The following RAB3IL1 variants were observed in gnomAD, a reference collection of about 807,000 sequenced individuals.
The protein encoded by RAB3IL1 is RAB3A interacting protein like 1, also known as guanine nucleotide exchange factor for Rab-3A.
Under a neutral mutation model 49.2 loss-of-function variants are expected in RAB3IL1, and 37 were observed. That is an observed-to-expected ratio of 0.75 (90% CI 0.58 to 0.99). The LOEUF (loss-of-function observed/expected upper bound fraction) is 0.99, where lower values mean the gene tolerates loss of function less well. RAB3IL1 is among the 50% of genes least tolerant of loss of function. The pLI is 0.00. For missense variants in RAB3IL1, 484 were observed against 513.0 expected (o/e 0.94, Z 0.55); for synonymous variants, 193 against 213.9 (o/e 0.90, Z 0.85).
rs979598227 is a variant in RAB3IL1 at position 61,904,581 on chromosome 11, T to C, written c.864A>G (p.Thr288=). 6.2e-7 allele frequency: 1 copy of C among 1,613,104 alleles called. No individual in the cohort carries two copies. Among genetic ancestry groups the C allele is most frequent in the South Asian group, 1.1e-5 (1 of 90,780 alleles). The change falls in exon 7 of 10, where the codon ACA becomes ACG. Residue 288 remains threonine (T), a synonymous_variant. Transcript: ENST00000394836. The stretch of plus-strand genomic sequence containing the variant: ...TACAGTCAACCTCGGCCACCTTCAC[T>C]GTGGGCAGCGTCTGCGAAGCCACCG... ...IEPVASQTLP[T]VKVAEVDCSS...
chr11:61,910,020 A>AAAAC (rs367986156), intron 1 of RAB3IL1, among the ~76,000 whole-genome samples: 1 of 152,198 alleles, frequency 6.6e-6, no homozygotes, highest in Non-Finnish European at 1.5e-5. Context: ...ACTCTGTCTC[A>AAAAC]AAACAAACAA....
intron 8 of RAB3IL1, among the ~76,000 whole-genome samples, chr11:61,900,296 G>A (rs951491342): frequency 1.3e-5 from 2 of 152,226 alleles, no homozygotes; most frequent in Admixed American, 1.3e-4. Context: ...CTGCCTCTTC[G>A]GAACCCAGCC....
chr11:61,928,684 C>T, the RAB3IL1 span, among the ~76,000 whole-genome samples: 2 of 152,208 alleles, frequency 1.3e-5, no homozygotes, highest in Non-Finnish European at 2.9e-5. Flanking sequence ...GAGCTAGGAC[C>T]CTCAAAGAGG....
At chr11:61,916,031 CA>C (rs35371411) in intron 1 of RAB3IL1, among the ~76,000 whole-genome samples, 6,850 of 88,862 alleles carry the variant, frequency 0.077, 557 homozygotes, top group African/African-American at 0.23. Context: ...CACTCTGTCT[CA>C]AAAAAAAAAA....
At position 61,906,481 on chromosome 11, in the gene RAB3IL1, G is replaced by C. The variant is rs1348719251; in HGVS notation, c.642C>G (p.Asp214Glu). 1 of 1,544,534 alleles carries C rather than the reference G, an allele frequency of 6.5e-7. No individual in the cohort carries two copies. Among genetic ancestry groups the C allele is most frequent in the Non-Finnish European group, 8.7e-7 (1 of 1,147,040 alleles). ...CCACCCTCACCTCCTTGCCCTCTCT[G>C]TCTGGGGTGAGGGTGTGTCCCGCAG... ...CPAAGHTLTP[D>E]REGKEVDTIL... is the part of the protein sequence containing the mutation. Residue 214 changes from aspartate (D) to glutamate (E), a missense_variant, in exon 5 of 10, where the codon GAC (aspartate) becomes GAG (glutamate). Coordinates refer to ENST00000394836, the MANE Select transcript of RAB3IL1 (RefSeq NM_013401.4). The surrounding 1 kb of genome is among the most constrained non-coding windows in gnomAD (Gnocchi z 4.6).
At chr11:61,934,540 G>A in the RAB3IL1 span, among the ~76,000 whole-genome samples, 3 of 140,894 alleles carry the variant, frequency 2.1e-5, no homozygotes, top group African/African-American at 7.9e-5. Context: ...AAATGGTATA[G>A]TAGAAAACTT....
At chr11:61,900,143 C>G (rs922732988) in intron 8 of RAB3IL1, among the ~76,000 whole-genome samples, 1 of 152,250 alleles carries the variant, frequency 6.6e-6, no homozygotes, top group Non-Finnish European at 1.5e-5. Context: ...GGACAGTCCC[C>G]TTGCCTCAGG....
At chr11:61,902,241 C>T (rs1327709973) in intron 8 of RAB3IL1, among the ~76,000 whole-genome samples, 5 of 152,220 alleles carry the variant, frequency 3.3e-5, no homozygotes, top group African/African-American at 1.2e-4. Flanking sequence ...TAATGTCTGC[C>T]TGGGAGGCAG....
At chr11:61,917,678 G>T, upstream of RAB3IL1, 1 of 609,516 alleles carries the variant, frequency 1.6e-6, no homozygotes, top group Non-Finnish European at 2.1e-6. Flanking sequence ...GGCCCGCCGC[G>T]CCGGGACAGG....
At chr11:61,919,797 ACAGT>A (rs1436454883), upstream of RAB3IL1, among the ~76,000 whole-genome samples, 1 of 152,170 alleles carries the variant, frequency 6.6e-6, no homozygotes, top group Non-Finnish European at 1.5e-5. Context: ...GGAGCAGGAG[ACAGT>A]CAGCCTGGAC....
Position 61,917,497 on chromosome 11 carries a change from G to T in RAB3IL1, c.-130C>A. On this transcript the variant is annotated 5_prime_UTR_variant, in exon 1 of 10. Coordinates refer to ENST00000394836, the MANE Select transcript of RAB3IL1 (RefSeq NM_013401.4). ...CCGCCTGTCAGCCCTGCCCGCGGCC[G>T]GTCAGTAGGTCTCAGACGCCTGGGC... 12 of 1,137,768 alleles carry T rather than the reference G, an allele frequency of 1.1e-5. No homozygotes were observed. The highest frequency in any genetic ancestry group is 1.3e-5 in the Non-Finnish European group (12 of 929,214). 70.5% of individuals were successfully genotyped at this position (1,137,768 alleles called of 1,614,324 possible).
chr11:61,918,162 C>T (rs1234147578), upstream of RAB3IL1, among the ~76,000 whole-genome samples: 2 of 152,172 alleles, frequency 1.3e-5, no homozygotes, highest in East Asian at 3.9e-4. Context: ...GACACACACA[C>T]ATACACACAC....
At chr11:61,942,147 G>A in the RAB3IL1 span, among the ~76,000 whole-genome samples, 1 of 151,270 alleles carries the variant, frequency 6.6e-6, no homozygotes, top group Non-Finnish European at 1.5e-5. Context: ...GAAGATGGAG[G>A]TTGCAGTGAG....
the RAB3IL1 span, among the ~76,000 whole-genome samples, chr11:61,926,349 A>G: frequency 2.0e-5 from 3 of 152,198 alleles, no homozygotes; most frequent in Non-Finnish European, 4.4e-5. Context: ...CATGAAGTAT[A>G]CAGTTTAGGA....
At chr11:61,925,654 A>G in the RAB3IL1 span, among the ~76,000 whole-genome samples, 1 of 151,540 alleles carries the variant, frequency 6.6e-6, no homozygotes, top group African/African-American at 2.4e-5. Flanking sequence ...AAATCCATAT[A>G]GAAATGAAGG....
At position 61,898,794 on chromosome 11, in the gene RAB3IL1, C is replaced by T. The variant is rs1166744617; in HGVS notation, c.1067-434G>A. ...AACACCCAGCATGCCTTGGCCTTGG[C>T]CTCCAAGAGGACTTGACCCCCAGGA... On this transcript the variant is annotated intron_variant, in intron 9 of 9. Coordinates refer to ENST00000394836, the MANE Select transcript of RAB3IL1 (RefSeq NM_013401.4). The surrounding 1 kb of genome is among the most constrained non-coding windows in gnomAD (Gnocchi z 5.1). The T allele has an allele frequency of 2.1e-6, 1 of 469,976 alleles. No individual in the cohort carries two copies. Among genetic ancestry groups the T allele is most frequent in the South Asian group, 1.5e-5 (1 of 64,672 alleles). 29.1% of individuals were successfully genotyped at this position (469,976 alleles called of 1,614,324 possible).
chr11:61,914,105 T>C (rs1160206338), intron 1 of RAB3IL1, among the ~76,000 whole-genome samples: 7 of 152,194 alleles, frequency 4.6e-5, no homozygotes, highest in Admixed American at 4.6e-4. Flanking sequence ...CTTCAGACTC[T>C]TGTCTCACGG....
the RAB3IL1 span, among the ~76,000 whole-genome samples, chr11:61,943,131 G>A: frequency 6.6e-6 from 1 of 152,190 alleles, no homozygotes; most frequent in East Asian, 1.9e-4. Context: ...TTAAAACAAT[G>A]AAATATTGAA....
chr11:61,919,718 A>G (rs1939848076), upstream of RAB3IL1, among the ~76,000 whole-genome samples: 1 of 152,024 alleles, frequency 6.6e-6, no homozygotes, highest in Admixed American at 6.5e-5. Flanking sequence ...CCCTCCCTCT[A>G]TCTCCCTCTG....
Sources: gnomAD v4.1 joint callset for allele counts (sites outside exome capture counted in the v4.1 genomes callset) on GRCh38, gnomAD v4.1.1 for gene constraint, Gnocchi (gnomAD v3.1) non-coding constraint, MANE v1.5 for transcripts, NCBI Gene and HGNC (gene_info 2026-07-23, HGNC 2026-07-21) for gene names.